CAMKK2: variants seen among roughly 807,000 people sequenced by gnomAD.
CAMKK2 encodes the protein calcium/calmodulin-dependent protein kinase kinase 2.
CAMKK2 carries 30 observed loss-of-function variants against 67.2 expected under a neutral mutation model. The ratio of observed to expected loss-of-function variants is 0.45; its 90% CI spans 0.33 to 0.61. CAMKK2 has a LOEUF of 0.61. Ranked by LOEUF, CAMKK2 falls within the 20% of genes least tolerant of loss-of-function variation. CAMKK2 has a pLI of 0.02. For missense variants in CAMKK2, 643 were observed against 802.0 expected (o/e 0.80, Z 2.39); for synonymous variants, 322 against 326.2 (o/e 0.99, Z 0.14).
At chr12:121,243,174 A>C (rs1888724038) in intron 16 of CAMKK2, among the ~76,000 whole-genome samples, 1 of 151,552 alleles carries the variant, frequency 6.6e-6, no homozygotes, top group Non-Finnish European at 1.5e-5. Flanking sequence ...CTGGGACTAC[A>C]AGTGTGCGCC....
intron 1 of CAMKK2, among the ~76,000 whole-genome samples, chr12:121,283,200 T>C (rs962314884): frequency 6.6e-6 from 1 of 152,206 alleles, no homozygotes; most frequent in Non-Finnish European, 1.5e-5. Context: ...CCCAAAGCTC[T>C]AGCGGGAGAC....
At chr12:121,259,848 C>A (rs968969241) in intron 7 of CAMKK2, among the ~76,000 whole-genome samples, 1 of 151,980 alleles carries the variant, frequency 6.6e-6, no homozygotes, top group Non-Finnish European at 1.5e-5. Context: ...TTTGGGAGGC[C>A]AATGCAGGAG....
rs117730921 is a variant in CAMKK2 at position 121,286,671 on chromosome 12, G to A, written c.-60+9967C>T. ...CATTCCTCCCACCTCAGCCCCCCAA[G>A]TAGCTGCAACTACAGGTGCGCACCA... On this transcript the variant is annotated intron_variant, in intron 1 of 16. Coordinates refer to ENST00000404169, the MANE Select transcript of CAMKK2 (RefSeq NM_001270485.2). 3.7e-3 allele frequency among the ~76,000 whole-genome samples: 569 copies of A among 151,920 alleles called. 14 individuals are homozygous for A. In the East Asian group the frequency reaches 0.065, roughly 17 times the overall value.
At chr12:121,286,205 C>G (rs1157101291) in intron 1 of CAMKK2, among the ~76,000 whole-genome samples, 1 of 152,224 alleles carries the variant, frequency 6.6e-6, no homozygotes, top group Non-Finnish European at 1.5e-5. Flanking sequence ...GCTGCTGTCT[C>G]CCTACACCCC....
chr12:121,288,687 G>A (rs966988530), intron 1 of CAMKK2, among the ~76,000 whole-genome samples: 1 of 151,982 alleles, frequency 6.6e-6, no homozygotes. Context: ...TCATGCCTAA[G>A]CCACGTGGGC....
At position 121,274,038 on chromosome 12, in the gene CAMKK2, C is replaced by T; in HGVS notation, c.471+18G>A. 1.4e-6 allele frequency: 2 copies of T among 1,461,544 alleles called. No individual in the cohort carries two copies. Among genetic ancestry groups the T allele is most frequent in the Non-Finnish European group, 1.8e-6 (2 of 1,102,044 alleles). 90.5% of individuals were successfully genotyped at this position (1,461,544 alleles called of 1,614,324 possible). A position where few individuals can be genotyped will look rare whatever the true frequency, so the allele number is the denominator to read the frequency against. On this transcript the variant is annotated intron_variant, in intron 2 of 16. Transcript: ENST00000404169. ...CACCAGGGACCCCTAGGACCTGGCT[C>T]ACCACCGGCTCACGCACCTGCATAC... is the stretch of plus-strand genomic sequence containing the variant.
At chr12:121,289,083 AC>A (rs1440862298) in intron 1 of CAMKK2, among the ~76,000 whole-genome samples, 1 of 152,038 alleles carries the variant, frequency 6.6e-6, no homozygotes, top group East Asian at 1.9e-4. Context: ...CCCCACCCCA[AC>A]CAAAAGAGCG....
At chr12:121,255,456 C>A in intron 9 of CAMKK2, 94 bp downstream of exon 9, 2 of 1,003,358 alleles carry the variant, frequency 2.0e-6, no homozygotes, top group Admixed American at 4.7e-5. Context: ...CCTCCCTGTG[C>A]TCCAGGAAGA....
intron 1 of CAMKK2, among the ~76,000 whole-genome samples, chr12:121,283,722 G>A (rs2136554875): frequency 6.6e-6 from 1 of 152,290 alleles, no homozygotes; most frequent in Admixed American, 6.5e-5. Context: ...GGCTGAGGCG[G>A]GAGGATGGCT....
intron 1 of CAMKK2, among the ~76,000 whole-genome samples, chr12:121,276,693 C>A (rs1896873463): frequency 6.6e-6 from 1 of 152,074 alleles, no homozygotes; most frequent in Non-Finnish European, 1.5e-5. Flanking sequence ...CTGGACCATC[C>A]TGGCCAACAT....
chr12:121,241,738 T>C (rs556016265), intron 16 of CAMKK2, among the ~76,000 whole-genome samples: 3 of 152,366 alleles, frequency 2.0e-5, no homozygotes, highest in Admixed American at 2.0e-4. Flanking sequence ...GCTTGCTATG[T>C]TTCTGATGGA....
At chr12:121,244,194 G>C in intron 16 of CAMKK2, 1 of 1,560,052 alleles carries the variant, frequency 6.4e-7, no homozygotes. Context: ...ACACAGTGCA[G>C]CATGCCTGAC....
In CAMKK2 at chr12:121,280,403, T is replaced by TA. The variant is rs1373027411; in HGVS notation, c.-59-5819_-59-5818insT. ...TATCGTCTCAGGACCCTGTGATAAT[T>TA]GCATTAACTGCACAAATTGTACAGC... On this transcript the variant is annotated intron_variant, in intron 1 of 16. Coordinates refer to ENST00000404169, the MANE Select transcript of CAMKK2 (RefSeq NM_001270485.2). 9.2e-5 allele frequency among the ~76,000 whole-genome samples: 14 copies of TA among 152,334 alleles called. No individual in the cohort carries two copies. In the East Asian group the frequency reaches 2.1e-3, roughly 23 times the overall value.
At chr12:121,266,351 G>C (rs897172445) in intron 5 of CAMKK2, among the ~76,000 whole-genome samples, 7 of 138,924 alleles carry the variant, frequency 5.0e-5, no homozygotes, top group Admixed American at 4.1e-4. Context: ...CAAGAGGTAA[G>C]AAGGAGTGTT....
In CAMKK2 at chr12:121,245,191, T is replaced by G; in HGVS notation, c.1502A>C (p.Glu501Ala). 1 of 1,609,398 alleles carries G rather than the reference T, an allele frequency of 6.2e-7. No individual in the cohort carries two copies. Among genetic ancestry groups the G allele is most frequent in the South Asian group, 1.1e-5 (1 of 89,986 alleles). Residue 501 changes from glutamate to alanine, a missense_variant, in exon 15 of 17, where the codon GAG (glutamate) becomes GCG (alanine). By Grantham distance (107) the Glu-to-Ala change is moderately radical (BLOSUM62 -1). Around this residue, in one of 3 missense-constraint regions of CAMKK2, gnomAD observed 140 missense variants for 124.2 expected, o/e 1.13. Transcript: ENST00000404169. This position sits in a 1 kb window ranked among gnomAD's most constrained non-coding sequence, Gnocchi z 5.8. Reference protein sequence around the residue: ...IRKRSFGNPFEGSRREERSLS... With the variant: ...IRKRSFGNPFAGSRREERSLS... ...TGAGCGTTCCTCCCGCCGGCTGCCCTCGAATGGGTTCCCAAAGGAGCGTTT... is the reference window on the plus strand; with the variant it reads ...TGAGCGTTCCTCCCGCCGGCTGCCCGCGAATGGGTTCCCAAAGGAGCGTTT...
intron 6 of CAMKK2, among the ~76,000 whole-genome samples, chr12:121,263,135 A>T (rs2948131): frequency 0.018 from 2,814 of 152,156 alleles, 88 homozygotes; most frequent in African/African-American, 0.064. Context: ...ACGCCCAGCT[A>T]ATTTTTTTGT....
rs373935013 is a variant in CAMKK2, at chr12:121,244,221, C to T, written c.1596+352G>A. 1.3e-3 allele frequency: 1,785 copies of T among 1,405,734 alleles called. 1 individual carries two copies. Among genetic ancestry groups the T allele is most frequent in the Non-Finnish European group, 1.6e-3 (1,595 of 1,017,516 alleles). 87.1% of individuals were successfully genotyped at this position (1,405,734 alleles called of 1,614,324 possible). A position where few individuals can be genotyped will look rare whatever the true frequency, so the allele number is the denominator to read the frequency against. ...ATGCCTGACCTATGTGCTGACCATG[C>T]GGACTCGGGGGGGCACCCATGGGCC... On this transcript the variant is annotated intron_variant, in intron 16 of 16. Coordinates refer to ENST00000404169, the MANE Select transcript of CAMKK2 (RefSeq NM_001270485.2).
At chr12:121,268,251 G>A (rs892966675) in intron 5 of CAMKK2, among the ~76,000 whole-genome samples, 105 of 151,768 alleles carry the variant, frequency 6.9e-4, no homozygotes, top group African/African-American at 2.4e-3. Flanking sequence ...AGGTGAACAC[G>A]GATGTCCTGT....
At chr12:121,248,533 C>G (rs1381457078) in intron 14 of CAMKK2, 73 bp downstream of exon 14, 18 of 1,580,224 alleles carry the variant, frequency 1.1e-5, no homozygotes, top group Non-Finnish European at 1.4e-5. Flanking sequence ...CCGCCTGTGT[C>G]CGGCCTGTCC....
Sources: gnomAD v4.1 joint callset for allele counts (sites outside exome capture counted in the v4.1 genomes callset) on GRCh38, gnomAD v4.1.1 for gene constraint, gnomAD v4.1.1 regional missense constraint, Gnocchi (gnomAD v3.1) non-coding constraint, MANE v1.5 for transcripts, NCBI Gene and HGNC (gene_info 2026-07-23, HGNC 2026-07-21) for gene names.